MTMR3: variants seen among roughly 807,000 people sequenced by gnomAD.
MTMR3 encodes the protein phosphatidylinositol-3,5-bisphosphate 3-phosphatase MTMR3.
A neutral mutation model predicts 132.4 loss-of-function variants in MTMR3; 32 were observed. That is an observed-to-expected ratio of 0.24 (90% CI 0.18 to 0.32). The LOEUF (loss-of-function observed/expected upper bound fraction) is 0.32, where lower values mean the gene tolerates loss of function less well. Ranked by LOEUF, MTMR3 falls within the 10% of genes least tolerant of loss-of-function variation. The pLI is 1.00. For missense variants in MTMR3, 1,216 were observed against 1,489.6 expected (o/e 0.82, Z 3.02); for synonymous variants, 556 against 550.3 (o/e 1.01, Z -0.14).
At chr22:29,886,704 A>G (rs1283288475) in intron 1 of MTMR3, among the ~76,000 whole-genome samples, 1 of 152,202 alleles carries the variant, frequency 6.6e-6, no homozygotes, top group Non-Finnish European at 1.5e-5. Context: ...CTTTTAGCTT[A>G]TGGATTTTAG....
intron 5 of MTMR3, 47 bp from the exon 6 acceptor site, chr22:29,988,433 G>A: frequency 1.4e-6 from 2 of 1,433,468 alleles, no homozygotes; most frequent in Non-Finnish European, 2.0e-6. Flanking sequence ...GAACTCCAGG[G>A]TCAATGCCTT....
chr22:29,967,325 A>G (rs2066447863), intron 2 of MTMR3, among the ~76,000 whole-genome samples: 1 of 151,050 alleles, frequency 6.6e-6, no homozygotes, highest in African/African-American at 2.4e-5. Context: ...GCAGCCTTGA[A>G]CTCCTGAGCT....
At chr22:29,919,596 C>T (rs1308533594) in intron 1 of MTMR3, among the ~76,000 whole-genome samples, 3 of 152,068 alleles carry the variant, frequency 2.0e-5, no homozygotes, top group African/African-American at 4.8e-5. Context: ...AATCATGGCT[C>T]ATTGCAGCCT....
Position 29,922,564 on chromosome 22 carries a change from T to G in MTMR3, c.-137-34472T>G, listed in dbSNP as rs570568236. Among the ~76,000 whole-genome samples, 80 of 152,360 alleles carry G rather than the reference T, an allele frequency of 5.3e-4. 1 individual carries two copies. In the Middle Eastern group the frequency reaches 0.01, roughly 19 times the overall value. On this transcript the variant is annotated intron_variant, in intron 1 of 19. Transcript: ENST00000401950. ...ATCCATTGATGGACAGTTGGGTTGCTTCTACTTTTTAGCTATTGTGAAGAA... is the reference window on the plus strand; with the variant it reads ...ATCCATTGATGGACAGTTGGGTTGCGTCTACTTTTTAGCTATTGTGAAGAA...
chr22:29,986,735 C>A, intron 5 of MTMR3: 2 of 300,132 alleles, frequency 6.7e-6, no homozygotes, highest in Non-Finnish European at 9.8e-6. Context: ...ACGATCTCAG[C>A]TTACCGCAGT....
chr22:29,975,066 A>G (rs557118969), intron 3 of MTMR3, among the ~76,000 whole-genome samples: 1 of 152,174 alleles, frequency 6.6e-6, no homozygotes, highest in East Asian at 1.9e-4. Context: ...GCACTAGGAG[A>G]ATGGTTTTAG....
intron 5 of MTMR3, chr22:29,980,596 G>A (rs2066721711): frequency 6.6e-6 from 1 of 152,188 alleles, no homozygotes; most frequent in African/African-American, 2.4e-5. Context: ...TGTTCTTTCA[G>A]TGTTTGAATT....
At chr22:29,996,129 GTC>G in intron 7 of MTMR3, 1 of 152,206 alleles carries the variant, frequency 6.6e-6, no homozygotes, top group East Asian at 1.9e-4. Flanking sequence ...GGAAAACCCG[GTC>G]TCTCAAAAAC....
chr22:29,939,724 C>T (rs1205061990), intron 1 of MTMR3, among the ~76,000 whole-genome samples: 1 of 151,732 alleles, frequency 6.6e-6, no homozygotes, highest in Non-Finnish European at 1.5e-5. Flanking sequence ...GTGGTATGGC[C>T]GTAGGCAGTA....
chr22:30,022,510 A>T (rs2067789595), intron 18 of MTMR3, 99 bp from the exon 19 acceptor site: 2 of 1,006,780 alleles, frequency 2.0e-6, no homozygotes, highest in Non-Finnish European at 3.1e-6. Flanking sequence ...ACTGGAGCTG[A>T]TGTGGTCCTT....
At chr22:30,024,849 A>T (rs2067869010) in intron 19 of MTMR3, 1 of 152,484 alleles carries the variant, frequency 6.6e-6, no homozygotes, top group South Asian at 2.1e-4. Flanking sequence ...TGCTGCACAG[A>T]TGCCTCAGAA....
intron 17 of MTMR3, chr22:30,021,636 G>T: frequency 5.2e-6 from 1 of 193,962 alleles, no homozygotes; most frequent in Admixed American, 5.6e-5. Flanking sequence ...TGTTCCCAGA[G>T]AGTCCTTCTA....
rs527794253 is a variant in MTMR3 at position 30,021,049 on chromosome 22, G to A, written c.3225+165G>A. 8.5e-5 allele frequency: 59 copies of A among 692,426 alleles called. No homozygotes were observed. In the African/African-American group the frequency reaches 8.6e-4, roughly 10 times the overall value. The allele number at this position is 692,426 out of a possible 1,614,324, so 42.9% of individuals were successfully genotyped here. A position where few individuals can be genotyped will look rare whatever the true frequency, so the allele number is the denominator to read the frequency against. ...GCTGGAGATGAGCCTCCACGACAGC[G>A]ATGGCAGCCTGCCTGTTTTCTGCTT... On this transcript the variant is annotated intron_variant, in intron 17 of 19. Coordinates refer to ENST00000401950, the MANE Select transcript of MTMR3 (RefSeq NM_021090.4).
intron 1 of MTMR3, among the ~76,000 whole-genome samples, chr22:29,889,444 G>A (rs576522107): frequency 1.3e-5 from 2 of 151,786 alleles, no homozygotes; most frequent in African/African-American, 4.8e-5. Context: ...CTGCCACCAC[G>A]CCTGGCTAAT....
chr22:29,912,860 T>A (rs2065240535), intron 1 of MTMR3, among the ~76,000 whole-genome samples: 1 of 152,224 alleles, frequency 6.6e-6, no homozygotes, highest in Non-Finnish European at 1.5e-5. Flanking sequence ...ACTCTTGGCC[T>A]GAACTGTTTT....
intron 3 of MTMR3, among the ~76,000 whole-genome samples, chr22:29,975,768 T>C (rs1341992283): frequency 3.9e-5 from 6 of 152,268 alleles, no homozygotes; most frequent in Middle Eastern, 6.8e-3. Context: ...ACTGTGCCCA[T>C]CTAGTTTCTC....
At chr22:29,946,963 A>C (rs975526626) in intron 1 of MTMR3, among the ~76,000 whole-genome samples, 1 of 152,220 alleles carries the variant, frequency 6.6e-6, no homozygotes, top group Non-Finnish European at 1.5e-5. Flanking sequence ...CCATTGAAAA[A>C]ATAACTATAT....
chr22:29,904,068 A>T (rs1308993131), intron 1 of MTMR3, among the ~76,000 whole-genome samples: 1 of 152,216 alleles, frequency 6.6e-6, no homozygotes, highest in African/African-American at 2.4e-5. Flanking sequence ...TGGCTCTATG[A>T]TGTGGACAAG....
At chr22:30,019,406 T>A in intron 16 of MTMR3, 74 bp from the exon 17 acceptor site, 1 of 1,408,624 alleles carries the variant, frequency 7.1e-7, no homozygotes, top group Middle Eastern at 1.8e-4. Flanking sequence ...CAACTGCTTG[T>A]TAAAACCTAT....
Sources: gnomAD v4.1 joint callset for allele counts (sites outside exome capture counted in the v4.1 genomes callset) on GRCh38, gnomAD v4.1.1 for gene constraint, MANE v1.5 for transcripts, NCBI Gene and HGNC (gene_info 2026-07-23, HGNC 2026-07-21) for gene names.